The following NBL1 variants were observed in gnomAD, a reference collection of about 807,000 sequenced individuals.
NBL1 encodes neuroblastoma suppressor of tumorigenicity 1.
A neutral mutation model predicts 16.0 loss-of-function variants in NBL1; 9 were observed. The ratio of observed to expected loss-of-function variants is 0.56; its 90% CI spans 0.34 to 0.98. The LOEUF (loss-of-function observed/expected upper bound fraction) is 0.98. Ranked by LOEUF, NBL1 falls within the 50% of genes least tolerant of loss-of-function variation. NBL1 has a pLI of 0.02. For synonymous variants in NBL1, 86 were observed against 100.7 expected (o/e 0.85, Z 0.87); for missense variants, 196 against 243.1 (o/e 0.81, Z 1.29).
rs929008061 is a variant in NBL1 at position 19,655,084 on chromosome 1, C to T, written c.54C>T (p.Ala18=). 3 of 1,612,968 alleles carry T rather than the reference C, an allele frequency of 1.9e-6. No individual in the cohort carries two copies. The highest frequency in any genetic ancestry group is 1.3e-5 in the African/African-American group (1 of 74,918). Residue 18 remains alanine, a synonymous_variant, in exon 2 of 4, where the codon GCC becomes GCT. Coordinates refer to ENST00000375136, the MANE Select transcript of NBL1 (RefSeq NM_005380.8). ...GAVLPAMLLA[A]PPPINKLALF... ...TCCTCCCTGCCATGCTACTGGCTGC[C>T]CCACCACCCATCAACAAGCTGGCAC...
chr1:19,656,759 G>C, intron 3 of NBL1, 107 bp from the exon 4 acceptor site: 1 of 1,443,658 alleles, frequency 6.9e-7, no homozygotes. Flanking sequence ...GGCATCACAG[G>C]TGGGCTCTGG....
At position 19,655,379 on chromosome 1, in the gene NBL1, A is replaced by G. The variant is rs773096865; in HGVS notation, c.226A>G (p.Thr76Ala). The G allele has an allele frequency of 6.2e-7, 1 of 1,614,068 alleles. No individual in the cohort carries two copies. The highest frequency in any genetic ancestry group is 8.5e-7 in the Non-Finnish European group (1 of 1,179,988). Residue 76 changes from threonine to alanine, a missense_variant, in exon 3 of 4, where the codon ACA becomes GCA. Transcript: ENST00000375136. ...YSVPNTFPQSTESLVHCDSCM... is the reference protein window; with the variant it reads ...YSVPNTFPQSAESLVHCDSCM... ...CGTCCCCAACACCTTCCCACAGTCC[A>G]CAGAGTCCCTGGTTCACTGTGACTC...
At chr1:19,656,123 C>G (rs2095055143) in intron 3 of NBL1, among the ~76,000 whole-genome samples, 1 of 152,156 alleles carries the variant, frequency 6.6e-6, no homozygotes, top group African/African-American at 2.4e-5. Flanking sequence ...CTGTTTCCCC[C>G]ACTAGACTCT....
intron 1 of NBL1, among the ~76,000 whole-genome samples, chr1:19,647,850 GGTGTGTGT>G (rs71579812): frequency 2.1e-5 from 3 of 143,280 alleles, no homozygotes; most frequent in Non-Finnish European, 4.5e-5. Context: ...GGAAAGGCCT[GGTGTGTGT>G]GTGTGTGCGT....
chr1:19,657,421 G>T lies in NBL1; in HGVS notation c.*292G>T, dbSNP rs1295831020. 5.0e-6 allele frequency: 1 copy of T among 200,478 alleles called. No homozygotes were observed. Among genetic ancestry groups the T allele is most frequent in the Non-Finnish European group, 1.0e-5 (1 of 98,496 alleles). The allele number at this position is 200,478 out of a possible 1,614,324, so 12.4% of individuals were successfully genotyped here. Reference sequence around the variant, plus strand: ...GCTTCTAGAGATGTGCCTGTGGGAGGGGGAGGAAGTTGGCTGAGCCATTGA... The same window carrying T: ...GCTTCTAGAGATGTGCCTGTGGGAGTGGGAGGAAGTTGGCTGAGCCATTGA... On this transcript the variant is annotated 3_prime_UTR_variant, in exon 4 of 4. Transcript: ENST00000375136.
At chr1:19,647,882 TGCGTGTGCGC>T (rs2094993055) in intron 1 of NBL1, among the ~76,000 whole-genome samples, 1 of 137,082 alleles carries the variant, frequency 7.3e-6, no homozygotes, top group Non-Finnish European at 1.6e-5. Flanking sequence ...TGTGTGTGTG[TGCGTGTGCGC>T]GCGTGTGTGT....
chr1:19,651,252 G>A (rs1015617088), intron 1 of NBL1, among the ~76,000 whole-genome samples: 11 of 152,204 alleles, frequency 7.2e-5, no homozygotes. Context: ...AAATGCTGGA[G>A]CTCCACGCTG....
intron 1 of NBL1, among the ~76,000 whole-genome samples, chr1:19,649,205 TC>T (rs1191664243): frequency 6.6e-6 from 1 of 152,040 alleles, no homozygotes; most frequent in Non-Finnish European, 1.5e-5. Flanking sequence ...CAAGCAGATT[TC>T]TTGGCCTCTC....
intron 3 of NBL1, 128 bp from the exon 4 acceptor site, chr1:19,656,738 A>C: frequency 2.8e-6 from 4 of 1,409,958 alleles, no homozygotes; most frequent in Non-Finnish European, 2.8e-6. Flanking sequence ...ATGGGACCCC[A>C]GAGCTAACTG....
At chr1:19,655,476 G>A (rs749092380) in intron 3 of NBL1, 41 bp downstream of exon 3, 1 of 1,601,964 alleles carries the variant, frequency 6.2e-7, no homozygotes, top group Non-Finnish European at 8.5e-7. Context: ...TCGGCCCGGA[G>A]CCTGCCCCAG....
intron 3 of NBL1, among the ~76,000 whole-genome samples, chr1:19,656,290 G>T (rs1219989814): frequency 6.6e-6 from 1 of 151,842 alleles, no homozygotes; most frequent in African/African-American, 2.4e-5. Flanking sequence ...TGGGGTTCCT[G>T]CAGGGTGAGC....
rs892892869 is a variant in NBL1 at position 19,656,598 on chromosome 1, G to A, written c.283-268G>A. Among the ~76,000 whole-genome samples the A allele has an allele frequency of 4.6e-5, 7 of 152,098 alleles. No individual in the cohort carries two copies. In the East Asian group the frequency reaches 7.8e-4, roughly 17 times the overall value. ...TCTCCAAGTGCAGGGGGATCGCGGC[G>A]GTGGGGGCGATTTTAGCAGGGGCAG... On this transcript the variant is annotated intron_variant, in intron 3 of 3. Coordinates refer to ENST00000375136, the MANE Select transcript of NBL1 (RefSeq NM_005380.8).
rs572021035 is a variant in NBL1 at position 19,647,876 on chromosome 1, T to C, written c.-20+3430T>C. On this transcript the variant is annotated intron_variant, in intron 1 of 3. Transcript: ENST00000375136. ...GTGTGTGTGTGTGTGCGTGTGTGTG[T>C]GTGTGTGCGTGTGCGCGCGTGTGTG... Among the ~76,000 whole-genome samples the C allele has an allele frequency of 5.4e-4, 78 of 145,536 alleles. 1 individual carries two copies. Among genetic ancestry groups the C allele is most frequent in the African/African-American group, 2.0e-3 (74 of 37,068 alleles).
intron 3 of NBL1, among the ~76,000 whole-genome samples, chr1:19,655,705 CTGT>C (rs1304743032): frequency 6.6e-6 from 1 of 152,176 alleles, no homozygotes; most frequent in East Asian, 1.9e-4. Flanking sequence ...CAGGGGCTTC[CTGT>C]TGTTATAGGA....
At chr1:19,645,526 CAG>C in intron 1 of NBL1, 3 of 1,004,686 alleles carry the variant, frequency 3.0e-6, no homozygotes, top group Non-Finnish European at 3.6e-6. Context: ...CCCAGGAAAA[CAG>C]AGGTCAGGGC....
Position 19,644,427 on chromosome 1 carries a change from A to C in NBL1, c.-39A>C. ...CCGCGACCCCCGCACCCAGCTCCGC[A>C]GGACCGGCGGGCGCGCGCGGTAAGT... On this transcript the variant is annotated 5_prime_UTR_variant, in exon 1 of 4. Coordinates refer to ENST00000375136, the MANE Select transcript of NBL1 (RefSeq NM_005380.8). The surrounding 1 kb of genome is among the most constrained non-coding windows in gnomAD (Gnocchi z 4.6). 1 of 978,406 alleles carries C rather than the reference A, an allele frequency of 1.0e-6. No homozygotes were observed. The highest frequency in any genetic ancestry group is 1.2e-6 in the Non-Finnish European group (1 of 827,316). The allele number at this position is 978,406 out of a possible 1,614,324, so 60.6% of individuals were successfully genotyped here. A position where few individuals can be genotyped will look rare whatever the true frequency, so the allele number is the denominator to read the frequency against.
rs200525019 is a variant in NBL1 at position 19,655,422 on chromosome 1, C to T, written c.269C>T (p.Ser90Phe). 6.2e-7 allele frequency: 1 copy of T among 1,614,072 alleles called. No individual in the cohort carries two copies. The highest frequency in any genetic ancestry group is 2.2e-5 in the East Asian group (1 of 44,878). ...TGTGACTCCTGCATGCCAGCCCAGT[C>T]CATGTGGGAGATTGTGAGTACTGCC... Reference protein sequence around the residue: ...VHCDSCMPAQSMWEIVTLECP... With the variant: ...VHCDSCMPAQFMWEIVTLECP... Residue 90 changes from serine to phenylalanine, a missense_variant, in exon 3 of 4, where the codon TCC (serine) becomes TTC (phenylalanine). By Grantham distance (155) the Ser-to-Phe change is radical. Coordinates refer to ENST00000375136, the MANE Select transcript of NBL1 (RefSeq NM_005380.8).
At chr1:19,647,161 A>C (rs1282075257) in intron 1 of NBL1, among the ~76,000 whole-genome samples, 1 of 152,216 alleles carries the variant, frequency 6.6e-6, no homozygotes, top group Non-Finnish European at 1.5e-5. Context: ...AAACTGAGGT[A>C]CAGAAAGGTT....
At chr1:19,653,306 A>AT (rs60948101) in intron 1 of NBL1, among the ~76,000 whole-genome samples, 1 of 151,030 alleles carries the variant, frequency 6.6e-6, no homozygotes, top group Non-Finnish European at 1.5e-5. Flanking sequence ...AAAAAAAAAA[A>AT]GTACCTGGCT....
Sources: allele counts gnomAD v4.1 joint callset (sites outside exome capture counted in the v4.1 genomes callset), GRCh38; gene constraint gnomAD v4.1.1; non-coding constraint Gnocchi (gnomAD v3.1); transcripts MANE v1.5; gene names NCBI Gene and HGNC (gene_info 2026-07-23, HGNC 2026-07-21).